DNAJC1: variants seen among roughly 807,000 people sequenced by gnomAD.
The protein encoded by DNAJC1 is DnaJ heat shock protein family (Hsp40) member C1, also known as dnaJ homolog subfamily C member 1.
Under a neutral mutation model 76.6 loss-of-function variants are expected in DNAJC1, and 58 were observed. That is an observed-to-expected ratio of 0.76 (90% CI 0.61 to 0.94). The LOEUF is 0.94. DNAJC1 is among the 40% of genes least tolerant of loss of function. DNAJC1 has a pLI of 0.00. For synonymous variants in DNAJC1, 258 were observed against 267.9 expected (o/e 0.96, Z 0.36); for missense variants, 689 against 677.3 (o/e 1.02, Z -0.19).
At chr10:21,777,526 C>G (rs1254928820) in intron 9 of DNAJC1, among the ~76,000 whole-genome samples, 2 of 152,164 alleles carry the variant, frequency 1.3e-5, no homozygotes, top group African/African-American at 4.8e-5. Context: ...GCCAGTGTCT[C>G]AGGACATGAA....
intron 1 of DNAJC1, among the ~76,000 whole-genome samples, chr10:22,001,750 T>C (rs895970354): frequency 1.3e-5 from 2 of 152,376 alleles, no homozygotes; most frequent in South Asian, 4.1e-4. Flanking sequence ...GATTTCTGGA[T>C]AGATTATGTT....
At chr10:21,803,670 GGA>G (rs1446550516) in intron 9 of DNAJC1, 2 of 209,276 alleles carry the variant, frequency 9.6e-6, no homozygotes, top group African/African-American at 4.7e-5. Context: ...TTGGGGGACA[GGA>G]GAGTTATTGA....
At chr10:21,870,557 T>C (rs552067792) in intron 8 of DNAJC1, among the ~76,000 whole-genome samples, 2 of 152,060 alleles carry the variant, frequency 1.3e-5, no homozygotes, top group Non-Finnish European at 2.9e-5. Context: ...GAGGACTGCT[T>C]AAGCCCAAGA....
At position 21,821,329 on chromosome 10, in the gene DNAJC1, A is replaced by G. The variant is rs532179202; in HGVS notation, c.979-15230T>C. Among the ~76,000 whole-genome samples, 4 of 152,354 alleles carry G rather than the reference A, an allele frequency of 2.6e-5. No individual in the cohort carries two copies. In the South Asian group the frequency reaches 8.3e-4, roughly 32 times the overall value. ...TATGAGCCAGGAATTGTAGAAAAAAATGCAATATATACAGTGGTATATAGT... is the reference window on the plus strand; with the variant it reads ...TATGAGCCAGGAATTGTAGAAAAAAGTGCAATATATACAGTGGTATATAGT... On this transcript the variant is annotated intron_variant, in intron 8 of 11. Coordinates refer to ENST00000376980, the MANE Select transcript of DNAJC1 (RefSeq NM_022365.4).
chr10:21,756,701 G>T lies in DNAJC1; in HGVS notation c.1651C>A (p.Gln551Lys), dbSNP rs1196660042. 1.9e-6 allele frequency: 3 copies of T among 1,612,912 alleles called. No homozygotes were observed. Among genetic ancestry groups the T allele is most frequent in the African/African-American group, 2.7e-5 (2 of 74,898 alleles). ...TCCCAGAATATTCAGCTTTTAGCTT[G>T]TTTTTTCTTTTGGACCAGTTCAACC... The part of the protein sequence containing the change: ...LLVELVQKKK[Q>K]AKS Residue 551 changes from glutamine (Q) to lysine (K), a missense_variant, in exon 12 of 12, where the codon CAA becomes AAA. Transcript: ENST00000376980.
At chr10:21,954,859 C>G (rs1045462321) in intron 1 of DNAJC1, among the ~76,000 whole-genome samples, 1 of 152,050 alleles carries the variant, frequency 6.6e-6, no homozygotes, top group Non-Finnish European at 1.5e-5. Context: ...AAATAACCAC[C>G]CACAGTCACA....
chr10:21,770,289 A>G (rs1474448011), intron 9 of DNAJC1, among the ~76,000 whole-genome samples: 1 of 151,964 alleles, frequency 6.6e-6, no homozygotes, highest in East Asian at 1.9e-4. Flanking sequence ...TGTTTATTGG[A>G]CATCTGTGTA....
chr10:21,940,614 T>C (rs757407268), intron 1 of DNAJC1, among the ~76,000 whole-genome samples: 3 of 152,200 alleles, frequency 2.0e-5, no homozygotes, highest in Non-Finnish European at 2.9e-5. Flanking sequence ...TTTAAACTAG[T>C]ATCTAAATAA....
chr10:21,811,042 T>C (rs1048685113), intron 8 of DNAJC1, among the ~76,000 whole-genome samples: 6 of 152,184 alleles, frequency 3.9e-5, no homozygotes, highest in East Asian at 3.8e-4. Flanking sequence ...GAGGGCAAGA[T>C]TGAAACTGCA....
chr10:21,950,474 C>T (rs1003649204), intron 1 of DNAJC1, among the ~76,000 whole-genome samples: 2 of 151,964 alleles, frequency 1.3e-5, no homozygotes, highest in African/African-American at 4.8e-5. Context: ...CCCTGCTCTC[C>T]GAGACACAAC....
At chr10:21,832,759 T>C (rs77517778) in intron 8 of DNAJC1, among the ~76,000 whole-genome samples, 5,422 of 152,286 alleles carry the variant, frequency 0.036, 167 homozygotes, top group African/African-American at 0.07. Context: ...TATATACTTT[T>C]GCAGTGAAAT....
intron 8 of DNAJC1, among the ~76,000 whole-genome samples, chr10:21,815,732 C>G (rs143399801): frequency 2.5e-4 from 38 of 151,750 alleles, no homozygotes; most frequent in African/African-American, 8.2e-4. Context: ...AAGGATGAGG[C>G]AGAGGTCAAG....
At chr10:21,855,717 T>C (rs1315049897) in intron 8 of DNAJC1, among the ~76,000 whole-genome samples, 1 of 152,148 alleles carries the variant, frequency 6.6e-6, no homozygotes. Context: ...TTTAGGTAGC[T>C]GAAGATCTAG....
At chr10:21,823,676 G>C (rs1382910877) in intron 8 of DNAJC1, among the ~76,000 whole-genome samples, 1 of 151,742 alleles carries the variant, frequency 6.6e-6, no homozygotes, top group Non-Finnish European at 1.5e-5. Context: ...GGGCCACAGT[G>C]GAAGAAGAGT....
intron 1 of DNAJC1, among the ~76,000 whole-genome samples, chr10:21,990,930 T>C (rs1838318149): frequency 6.6e-6 from 1 of 152,146 alleles, no homozygotes. Context: ...CGTTAATTAA[T>C]CATTCAGTTC....
intron 9 of DNAJC1, among the ~76,000 whole-genome samples, chr10:21,782,268 T>C (rs1185042631): frequency 2.0e-5 from 3 of 152,248 alleles, no homozygotes; most frequent in African/African-American, 7.2e-5. Flanking sequence ...AACACCGCTA[T>C]GCAAATAAAC....
At position 21,765,043 on chromosome 10, in the gene DNAJC1, T is replaced by G. The variant is rs565922227; in HGVS notation, c.1147+1218A>C. ...TCTACGTCAGTTCCTTACTCTGAGCTGCGCTGCCTTTTCAATGGTATGATT... is the reference window on the plus strand; with the variant it reads ...TCTACGTCAGTTCCTTACTCTGAGCGGCGCTGCCTTTTCAATGGTATGATT... On this transcript the variant is annotated intron_variant, in intron 10 of 11. Coordinates refer to ENST00000376980, the MANE Select transcript of DNAJC1 (RefSeq NM_022365.4). Among the ~76,000 whole-genome samples, 4 of 152,338 alleles carry G rather than the reference T, an allele frequency of 2.6e-5. No individual in the cohort carries two copies. In the East Asian group the frequency reaches 7.7e-4, roughly 29 times the overall value.
At chr10:21,912,211 T>C (rs934118180) in intron 6 of DNAJC1, among the ~76,000 whole-genome samples, 12 of 152,156 alleles carry the variant, frequency 7.9e-5, no homozygotes, top group Non-Finnish European at 1.5e-4. Context: ...TTAATATTTA[T>C]TTTCATCTGC....
intron 8 of DNAJC1, among the ~76,000 whole-genome samples, chr10:21,813,026 TACACAC>T (rs149245778): frequency 4.9e-4 from 65 of 132,464 alleles, no homozygotes; most frequent in Middle Eastern, 8.0e-3. Flanking sequence ...TACACACACA[TACACAC>T]ACACACACAC....
Sources: allele counts gnomAD v4.1 joint callset (sites outside exome capture counted in the v4.1 genomes callset), GRCh38; gene constraint gnomAD v4.1.1; transcripts MANE v1.5; gene names NCBI Gene and HGNC (gene_info 2026-07-23, HGNC 2026-07-21).